The following ADAM9 variants were observed in gnomAD, a reference collection of about 807,000 sequenced individuals.
ADAM9 encodes the protein disintegrin and metalloproteinase domain-containing protein 9.
A neutral mutation model predicts 108.1 loss-of-function variants in ADAM9; 54 were observed. The observed-to-expected ratio is 0.50, with a 90% CI of 0.40 to 0.63. ADAM9 has a LOEUF of 0.63. ADAM9 is among the 20% of genes least tolerant of loss of function. The probability of loss-of-function intolerance (pLI) is 0.00; values close to 1 mark genes in which losing one functional copy is unlikely to be tolerated. For synonymous variants in ADAM9, 316 were observed against 336.0 expected (o/e 0.94, Z 0.65); for missense variants, 830 against 997.7 (o/e 0.83, Z 2.26).
chr8:39,075,195 C>T (rs1838816984), intron 15 of ADAM9, among the ~76,000 whole-genome samples: 2 of 152,130 alleles, frequency 1.3e-5, no homozygotes, highest in Admixed American at 1.3e-4. Flanking sequence ...GCGTGAGCCA[C>T]CGCGCCTGGC....
intron 11 of ADAM9, among the ~76,000 whole-genome samples, chr8:39,039,172 C>T (rs936621505): frequency 2.6e-5 from 4 of 152,150 alleles, no homozygotes; most frequent in Non-Finnish European, 5.9e-5. Context: ...TCTTCATTAA[C>T]TAGAATGCAA....
chr8:39,012,007 G>A (rs529062251), intron 3 of ADAM9, among the ~76,000 whole-genome samples: 70 of 152,300 alleles, frequency 4.6e-4, no homozygotes, highest in South Asian at 1.0e-3. Context: ...AGCCTGCAGT[G>A]ACTGAATAGG....
intron 16 of ADAM9, among the ~76,000 whole-genome samples, chr8:39,077,864 G>A (rs1251071581): frequency 6.6e-6 from 1 of 152,174 alleles, no homozygotes; most frequent in African/African-American, 2.4e-5. Flanking sequence ...ATGAGAAGAT[G>A]CCCTGGGCCA....
At chr8:39,072,648 T>C (rs1002576335) in intron 15 of ADAM9, among the ~76,000 whole-genome samples, 3 of 152,222 alleles carry the variant, frequency 2.0e-5, no homozygotes, top group Non-Finnish European at 4.4e-5. Flanking sequence ...TGCTGTTCCC[T>C]CTGTTCAGCA....
Position 39,026,747 on chromosome 8 carries a change from A to G in ADAM9, c.1067A>G (p.Asn356Ser). ...AHELGHNLGM[N>S]HDDGRDCSCG... Reference sequence around the variant, plus strand: ...GAATTGGGTCATAATCTTGGAATGAATCACGATGATGGGAGAGATTGTTCC... The same window carrying G: ...GAATTGGGTCATAATCTTGGAATGAGTCACGATGATGGGAGAGATTGTTCC... The change falls in exon 11 of 22, where the codon AAT (asparagine) becomes AGT (serine). Residue 356 changes from asparagine (N) to serine (S), a missense_variant. Physicochemically the swap from Asn to Ser is conservative, Grantham distance 46. Transcript: ENST00000487273. 1.2e-6 allele frequency: 2 copies of G among 1,614,170 alleles called. No individual in the cohort carries two copies. The highest frequency in any genetic ancestry group is 1.7e-6 in the Non-Finnish European group (2 of 1,180,018).
chr8:39,058,785 G>A (rs867836521), intron 14 of ADAM9, among the ~76,000 whole-genome samples: 35 of 152,172 alleles, frequency 2.3e-4, no homozygotes, highest in African/African-American at 8.0e-4. Flanking sequence ...GCATAAGGTC[G>A]TGGGAACAGG....
At chr8:39,040,194 C>T (rs563671831) in intron 11 of ADAM9, among the ~76,000 whole-genome samples, 141 of 152,246 alleles carry the variant, frequency 9.3e-4, no homozygotes, top group Non-Finnish European at 1.6e-3. Context: ...AGATTACAGA[C>T]GTGCACCACC....
chr8:39,087,758 T>C (rs1273971699), intron 18 of ADAM9, among the ~76,000 whole-genome samples: 2 of 152,214 alleles, frequency 1.3e-5, no homozygotes, highest in Admixed American at 6.5e-5. Context: ...AAGTATAAAA[T>C]GATATATGAA....
chr8:39,045,170 GTGTATATATGTGTATAC>G (rs1837640772), intron 12 of ADAM9, among the ~76,000 whole-genome samples: 2 of 120,056 alleles, frequency 1.7e-5, no homozygotes, highest in African/African-American at 5.9e-5. Context: ...ATACATATAT[GTGTATATATGTGTATAC>G]ATACATATAT....
In ADAM9 at chr8:39,086,703, G is replaced by GT. The variant is rs1839190192; in HGVS notation, c.2069-3342dup. 2.0e-5 allele frequency among the ~76,000 whole-genome samples: 3 copies of GT among 152,076 alleles called. No homozygotes were observed. The South Asian group carries it at 6.2e-4, about 32-fold the overall frequency. ...AGAAGTTTTAAATCCTACTTTGTGG[G>GT]TTATTGGATATTTTTGGATTTCTAT... On this transcript the variant is annotated intron_variant, in intron 18 of 21. Coordinates refer to ENST00000487273, the MANE Select transcript of ADAM9 (RefSeq NM_003816.3).
intron 15 of ADAM9, among the ~76,000 whole-genome samples, chr8:39,072,321 A>G (rs1449277517): frequency 6.6e-6 from 1 of 152,186 alleles, no homozygotes; most frequent in Non-Finnish European, 1.5e-5. Flanking sequence ...CTCCTATGCT[A>G]TCAGTTAAGC....
At chr8:39,049,595 C>T (rs143992617) in intron 12 of ADAM9, among the ~76,000 whole-genome samples, 5 of 151,930 alleles carry the variant, frequency 3.3e-5, no homozygotes, top group Non-Finnish European at 5.9e-5. Flanking sequence ...CCTGCCACCA[C>T]GCTTGGCTAA....
chr8:39,023,860 C>G (rs1218822942), intron 9 of ADAM9, among the ~76,000 whole-genome samples: 3 of 149,660 alleles, frequency 2.0e-5, no homozygotes, highest in Non-Finnish European at 4.4e-5. Context: ...AATTCTCCTG[C>G]CTCAGCCTCC....
At chr8:39,054,886 T>A (rs923942463) in intron 13 of ADAM9, among the ~76,000 whole-genome samples, 10 of 152,162 alleles carry the variant, frequency 6.6e-5, no homozygotes, top group African/African-American at 1.9e-4. Flanking sequence ...TTTATACTCT[T>A]CAGGTAACCA....
chr8:38,997,515 G>GC (rs2046359955), intron 1 of ADAM9, among the ~76,000 whole-genome samples: 1 of 152,228 alleles, frequency 6.6e-6, no homozygotes, highest in South Asian at 2.1e-4. Flanking sequence ...CCGGAGCCCT[G>GC]CAGGCTGGGC....
chr8:39,063,589 G>C (rs1018803394), intron 14 of ADAM9, among the ~76,000 whole-genome samples: 14 of 152,168 alleles, frequency 9.2e-5, no homozygotes, highest in Non-Finnish European at 1.6e-4. Flanking sequence ...AGGCATAGTG[G>C]TGCACTCCTG....
At chr8:39,067,401 A>G (rs1160261314) in intron 14 of ADAM9, among the ~76,000 whole-genome samples, 1 of 152,164 alleles carries the variant, frequency 6.6e-6, no homozygotes, top group Non-Finnish European at 1.5e-5. Context: ...ATGTTCTTCC[A>G]TTTGTTTGTG....
chr8:39,020,805 G>T lies in ADAM9; in HGVS notation c.673-838G>T, dbSNP rs573682233. 2.6e-5 allele frequency among the ~76,000 whole-genome samples: 4 copies of T among 152,052 alleles called. No individual in the cohort carries two copies. The South Asian group carries it at 8.3e-4, about 31-fold the overall frequency. ...ATAAATCTTCTTCCACTATGTGGCT[G>T]CACAGAGTCTCTCTGAACCTGTTCT... On this transcript the variant is annotated intron_variant, in intron 7 of 21. Transcript: ENST00000487273.
In ADAM9 at chr8:39,045,358, A is replaced by C. The variant is rs143986426; in HGVS notation, c.1302+3241A>C. Among the ~76,000 whole-genome samples, 399 of 93,428 alleles carry C rather than the reference A, an allele frequency of 4.3e-3. 20 individuals are homozygous for C. Among genetic ancestry groups the C allele is most frequent in the Non-Finnish European group, 5.4e-3 (246 of 45,148 alleles). The allele number at this position is 93,428 out of a possible 152,430, so 61.3% of individuals were successfully genotyped here. ...TACACCTATACATGTGTGTACATAC[A>C]TATAGGTGTGTGTACATACACCTAT... On this transcript the variant is annotated intron_variant, in intron 12 of 21. Coordinates refer to ENST00000487273, the MANE Select transcript of ADAM9 (RefSeq NM_003816.3).
Sources: allele counts gnomAD v4.1 joint callset (sites outside exome capture counted in the v4.1 genomes callset), GRCh38; gene constraint gnomAD v4.1.1; transcripts MANE v1.5; gene names NCBI Gene and HGNC (gene_info 2026-07-23, HGNC 2026-07-21).